Variants in ST3GAL2 observed in about 807,000 individuals in gnomAD.
ST3GAL2 encodes CMP-N-acetylneuraminate-beta-galactosamide-alpha-2,3-sialyltransferase 2.
A neutral mutation model predicts 37.5 loss-of-function variants in ST3GAL2; 16 were observed. The ratio of observed to expected loss-of-function variants is 0.43; its 90% CI spans 0.29 to 0.65. The LOEUF is 0.65. ST3GAL2 is among the 30% of genes least tolerant of loss of function. The probability of loss-of-function intolerance (pLI) is 0.17; values close to 1 mark genes in which losing one functional copy is unlikely to be tolerated. For missense variants in ST3GAL2, 383 were observed against 487.8 expected, an observed-to-expected ratio of 0.79 and a Z score of 2.02; for synonymous variants, 238 against 202.9, an observed-to-expected ratio of 1.17 and a Z score of -1.47.
At chr16:70,408,470 A>G (rs1001665797) in intron 1 of ST3GAL2, among the ~76,000 whole-genome samples, 3 of 152,084 alleles carry the variant, frequency 2.0e-5, no homozygotes, top group African/African-American at 7.2e-5. Context: ...ACTCAAAAGC[A>G]GCGAGGCCTG....
chr16:70,415,759 A>ATTC lies in ST3GAL2; in HGVS notation c.-1003-16229_-1003-16227dup, dbSNP rs1555560680. ...TGATCCACCGTGCCCAGCTTCCAAG[A>ATTC]TTCTTTTTTTTTTTTTTTTTTTTCT... On this transcript the variant is annotated intron_variant, in intron 1 of 6. Coordinates refer to ENST00000342907, the MANE Select transcript of ST3GAL2 (RefSeq NM_006927.4). Among the ~76,000 whole-genome samples the ATTC allele has an allele frequency of 3.4e-3, 441 of 129,624 alleles. 6 individuals carry two copies. The highest frequency in any genetic ancestry group is 0.012 in the African/African-American group (409 of 33,664). 85.0% of individuals were successfully genotyped at this position (129,624 alleles called of 152,430 possible). A position where few individuals can be genotyped will look rare whatever the true frequency, so the allele number is the denominator to read the frequency against.
In ST3GAL2 at chr16:70,399,046, G is replaced by A; in HGVS notation, c.-516C>T. On this transcript the variant is annotated 5_prime_UTR_variant, in exon 2 of 7. Coordinates refer to ENST00000342907, the MANE Select transcript of ST3GAL2 (RefSeq NM_006927.4). The stretch of plus-strand genomic sequence containing the variant: ...AGCACAGGGGCTTCAGGGGACTTGG[G>A]TTCCATGCAAGTGTTGTCCCACCTC... 1 of 402,672 alleles carries A rather than the reference G, an allele frequency of 2.5e-6. No individual in the cohort carries two copies. The highest frequency in any genetic ancestry group is 4.4e-6 in the Non-Finnish European group (1 of 228,458). The allele number at this position is 402,672 out of a possible 1,614,324, so 24.9% of individuals were successfully genotyped here. A position where few individuals can be genotyped will look rare whatever the true frequency, so the allele number is the denominator to read the frequency against.
At chr16:70,418,291 G>A (rs2047689423) in intron 1 of ST3GAL2, among the ~76,000 whole-genome samples, 1 of 152,128 alleles carries the variant, frequency 6.6e-6, no homozygotes, top group Non-Finnish European at 1.5e-5. Flanking sequence ...GCACAGCAAT[G>A]GGGCTCCTCT....
At chr16:70,385,122 G>A (rs969143148) in intron 4 of ST3GAL2, among the ~76,000 whole-genome samples, 13 of 151,680 alleles carry the variant, frequency 8.6e-5, no homozygotes, top group Non-Finnish European at 1.8e-4. Context: ...TAGCTAACAC[G>A]GTGAAACCCC....
intron 1 of ST3GAL2, among the ~76,000 whole-genome samples, chr16:70,431,985 A>ATATATT: frequency 7.2e-6 from 1 of 139,014 alleles, no homozygotes; most frequent in Admixed American, 6.9e-5. Flanking sequence ...ATATATATAT[A>ATATATT]TTTTTTTTTA....
At chr16:70,390,698 G>A (rs2047476722) in intron 3 of ST3GAL2, among the ~76,000 whole-genome samples, 2 of 152,186 alleles carry the variant, frequency 1.3e-5, no homozygotes, top group African/African-American at 4.8e-5. Context: ...GGACATTGCT[G>A]TAGCTCCTGT....
chr16:70,382,386 G>C lies in ST3GAL2; in HGVS notation c.879+419C>G, dbSNP rs139692030. 1.0e-3 allele frequency among the ~76,000 whole-genome samples: 153 copies of C among 152,168 alleles called. 1 individual carries two copies. The East Asian group carries it at 0.019, about 19-fold the overall frequency. ...CAACCTACGCCTCCTGGGTTCAAGC[G>C]ATTTTCCTGACTCAGCCTCCCGAGT... On this transcript the variant is annotated intron_variant, in intron 6 of 6. Transcript: ENST00000342907.
chr16:70,393,062 G>A (rs887891189), intron 3 of ST3GAL2, among the ~76,000 whole-genome samples: 4 of 150,968 alleles, frequency 2.6e-5, no homozygotes, highest in African/African-American at 9.8e-5. Flanking sequence ...TCCTTACCTG[G>A]CCCCTGTGAG....
intron 1 of ST3GAL2, among the ~76,000 whole-genome samples, chr16:70,410,240 C>CATTTTTTTTTT (rs2047627628): frequency 1.6e-5 from 1 of 62,664 alleles, no homozygotes; most frequent in African/African-American, 8.4e-5. Flanking sequence ...CCACCCTCAC[C>CATTTTTTTTTT]TTTTTTTTTT....
chr16:70,391,466 C>A (rs778299769), intron 3 of ST3GAL2, among the ~76,000 whole-genome samples: 11 of 152,220 alleles, frequency 7.2e-5, no homozygotes, highest in Non-Finnish European at 1.5e-4. Context: ...CCTAGAAGAG[C>A]CAAGAAGTAT....
At chr16:70,389,100 C>T (rs2047463434) in intron 3 of ST3GAL2, among the ~76,000 whole-genome samples, 1 of 134,706 alleles carries the variant, frequency 7.4e-6, no homozygotes, top group Non-Finnish European at 1.5e-5. Context: ...AAAAGGTTGG[C>T]CGGGCGCGGT....
chr16:70,402,270 C>T (rs1041333143), intron 1 of ST3GAL2, among the ~76,000 whole-genome samples: 3 of 102,962 alleles, frequency 2.9e-5, no homozygotes, highest in African/African-American at 7.9e-5. Context: ...GCAACAAGAG[C>T]GAAACTATTT....
intron 1 of ST3GAL2, among the ~76,000 whole-genome samples, chr16:70,413,560 C>CAAAA (rs978301918): frequency 0.062 from 1,994 of 32,034 alleles, 232 homozygotes; most frequent in African/African-American, 0.1. Flanking sequence ...ATCAAAAATA[C>CAAAA]AAAAAAAAAA....
In ST3GAL2 at chr16:70,383,104, A is replaced by G. The variant is rs984065735; in HGVS notation, c.759+86T>C. On this transcript the variant is annotated intron_variant, in intron 5 of 6. Coordinates refer to ENST00000342907, the MANE Select transcript of ST3GAL2 (RefSeq NM_006927.4). ...TGGGGACCCTGAGGTTCTGCAGGGG[A>G]AATGGAACACCTGAGCTACAGGACC... 4 of 1,590,906 alleles carry G rather than the reference A, an allele frequency of 2.5e-6. No homozygotes were observed. The African/African-American group carries it at 5.4e-5, about 22-fold the overall frequency.
In ST3GAL2 at chr16:70,398,995, G is replaced by A. The variant is rs1403258396; in HGVS notation, c.-465C>T. Reference sequence around the variant, plus strand: ...GCCCCTCGTTCCCGGCAGCGGGGAAGCCCTAGAACTCCAATCACAACAGAG... The same window carrying A: ...GCCCCTCGTTCCCGGCAGCGGGGAAACCCTAGAACTCCAATCACAACAGAG... On this transcript the variant is annotated 5_prime_UTR_variant, in exon 2 of 7. Transcript: ENST00000342907. The A allele has an allele frequency of 4.8e-6, 2 of 416,362 alleles. No individual in the cohort carries two copies. The highest frequency in any genetic ancestry group is 8.5e-6 in the Non-Finnish European group (2 of 235,854). 25.8% of individuals were successfully genotyped at this position (416,362 alleles called of 1,614,324 possible).
chr16:70,398,115 G>C, intron 2 of ST3GAL2, 77 bp downstream of exon 2: 2 of 1,478,906 alleles, frequency 1.4e-6, no homozygotes, highest in Non-Finnish European at 1.8e-6. Flanking sequence ...GGCTCTGGGG[G>C]CCAGAAATCC....
At chr16:70,385,417 T>C (rs1242832962) in intron 4 of ST3GAL2, among the ~76,000 whole-genome samples, 3 of 152,132 alleles carry the variant, frequency 2.0e-5, no homozygotes, top group Non-Finnish European at 2.9e-5. Flanking sequence ...GTGTACAGTT[T>C]CCATTTGGGA....
At chr16:70,389,395 C>T (rs1203195700) in intron 3 of ST3GAL2, among the ~76,000 whole-genome samples, 14 of 151,690 alleles carry the variant, frequency 9.2e-5, no homozygotes, top group African/African-American at 2.9e-4. Flanking sequence ...TCCCCGCCTC[C>T]GCCTCCCAGG....
intron 1 of ST3GAL2, among the ~76,000 whole-genome samples, chr16:70,427,146 A>T (rs1224524609): frequency 6.6e-6 from 1 of 151,950 alleles, no homozygotes; most frequent in Non-Finnish European, 1.5e-5. Flanking sequence ...ACCATACCTG[A>T]GCATCTCTGG....
Sources: gnomAD v4.1 joint callset for allele counts (sites outside exome capture counted in the v4.1 genomes callset) on GRCh38, gnomAD v4.1.1 for gene constraint, MANE v1.5 for transcripts, NCBI Gene and HGNC (gene_info 2026-07-23, HGNC 2026-07-21) for gene names.